Variants in IPCEF1 observed in about 807,000 individuals in gnomAD.
IPCEF1 encodes interaction protein for cytohesin exchange factors 1.
Under a neutral mutation model 50.9 loss-of-function variants are expected in IPCEF1, and 31 were observed. That is an observed-to-expected ratio of 0.61 (90% CI 0.46 to 0.82). IPCEF1 has a LOEUF of 0.82. Among genes scored for constraint, IPCEF1 ranks in the 40% least tolerant of loss-of-function variants. IPCEF1 has a pLI of 0.00. For missense variants in IPCEF1, 458 were observed against 514.0 expected, an observed-to-expected ratio of 0.89 and a Z score of 1.05; for synonymous variants, 181 against 192.0, an observed-to-expected ratio of 0.94 and a Z score of 0.47.
chr6:154,277,307 AGG>A (rs1471700777), intron 2 of IPCEF1, among the ~76,000 whole-genome samples: 1 of 152,236 alleles, frequency 6.6e-6, no homozygotes, highest in African/African-American at 2.4e-5. Flanking sequence ...TTTATTCTTT[AGG>A]AAGAACTGTT....
chr6:154,227,810 C>A (rs189003542), intron 5 of IPCEF1, among the ~76,000 whole-genome samples: 79 of 152,236 alleles, frequency 5.2e-4, no homozygotes, highest in African/African-American at 1.8e-3. Flanking sequence ...ATAAGTGAAA[C>A]AGCTGAGATT....
intron 2 of IPCEF1, among the ~76,000 whole-genome samples, chr6:154,277,196 C>T (rs556618288): frequency 6.6e-6 from 1 of 152,346 alleles, no homozygotes; most frequent in South Asian, 2.1e-4. Context: ...CTGGAAACCA[C>T]ACAGGCACAA....
chr6:154,259,447 GT>G (rs1562569632), intron 3 of IPCEF1, among the ~76,000 whole-genome samples: 1 of 152,138 alleles, frequency 6.6e-6, no homozygotes, highest in African/African-American at 2.4e-5. Context: ...GAGGTCAGGA[GT>G]TCAAGACCAG....
rs1181246833 is a variant in IPCEF1, at chr6:154,193,611, C to G, written c.910+6057G>C. ...AATAACATCAAAAAAGAAAGAAAACCAAGGATTTAATCAACAACAAGAAGT... is the reference window on the plus strand; with the variant it reads ...AATAACATCAAAAAAGAAAGAAAACGAAGGATTTAATCAACAACAAGAAGT... On this transcript the variant is annotated intron_variant, in intron 10 of 11. Transcript: ENST00000367220. 4.6e-5 allele frequency among the ~76,000 whole-genome samples: 7 copies of G among 152,114 alleles called. No homozygotes were observed. The East Asian group carries it at 1.4e-3, about 29-fold the overall frequency.
intron 5 of IPCEF1, among the ~76,000 whole-genome samples, chr6:154,245,830 T>C (rs565515666): frequency 3.9e-5 from 6 of 152,302 alleles, no homozygotes; most frequent in Non-Finnish European, 8.8e-5. Flanking sequence ...TTCAACAACA[T>C]CGTCATTTTC....
rs1776359593 is a variant in IPCEF1 at position 154,193,849 on chromosome 6, A to G, written c.910+5819T>C. Among the ~76,000 whole-genome samples, 9 of 152,204 alleles carry G rather than the reference A, an allele frequency of 5.9e-5. No homozygotes were observed. The South Asian group carries it at 1.9e-3, about 31-fold the overall frequency. ...ACAATACTCCCTATTTTTTTCTTCC[A>G]ATGCTGTTTTCCATACTCTATACAG... On this transcript the variant is annotated intron_variant, in intron 10 of 11. Coordinates refer to ENST00000367220, the MANE Select transcript of IPCEF1 (RefSeq NM_001130700.2).
intron 5 of IPCEF1, among the ~76,000 whole-genome samples, chr6:154,235,401 G>A (rs1050627649): frequency 1.3e-5 from 2 of 151,888 alleles, no homozygotes; most frequent in African/African-American, 2.4e-5. Flanking sequence ...GTGTGGTGGC[G>A]GGTGCCTGTA....
rs958027745 is a variant in IPCEF1 at position 154,154,620 on chromosome 6, C to G, written c.*5208G>C. 2 of 152,210 alleles carry G rather than the reference C, an allele frequency of 1.3e-5. No homozygotes were observed. The highest frequency in any genetic ancestry group is 6.5e-5 in the Admixed American group (1 of 15,290). The allele number at this position is 152,210 out of a possible 1,614,324, so 9.4% of individuals were successfully genotyped here. A position where few individuals can be genotyped will look rare whatever the true frequency, so the allele number is the denominator to read the frequency against. ...TCAAAACGCAGCCATTAAACACTTC[C>G]AGCCACATGTTTATTTCTTTGAGAA... is the stretch of plus-strand genomic sequence containing the variant. On this transcript the variant is annotated 3_prime_UTR_variant, in exon 12 of 12. Coordinates refer to ENST00000367220, the MANE Select transcript of IPCEF1 (RefSeq NM_001130700.2).
intron 1 of IPCEF1, among the ~76,000 whole-genome samples, chr6:154,330,866 C>T (rs1182471048): frequency 2.6e-5 from 4 of 152,140 alleles, no homozygotes. Context: ...AAGGCAAAAC[C>T]TTAACAAAGG....
At chr6:154,170,321 G>T (rs1799772297) in intron 10 of IPCEF1, among the ~76,000 whole-genome samples, 1 of 152,128 alleles carries the variant, frequency 6.6e-6, no homozygotes, top group South Asian at 2.1e-4. Flanking sequence ...GGCATTAGAG[G>T]AACTAGAAAA....
At chr6:154,234,529 C>A (rs936327133) in intron 5 of IPCEF1, among the ~76,000 whole-genome samples, 1 of 152,238 alleles carries the variant, frequency 6.6e-6, no homozygotes, top group Non-Finnish European at 1.5e-5. Context: ...AACAGCCCAA[C>A]TGCTCAGCAC....
intron 5 of IPCEF1, among the ~76,000 whole-genome samples, chr6:154,231,011 A>G (rs1299398951): frequency 1.3e-5 from 2 of 152,200 alleles, no homozygotes; most frequent in African/African-American, 4.8e-5. Flanking sequence ...GAAACTGCAA[A>G]AGTCTCCATT....
At chr6:154,195,883 G>C (rs1003995586) in intron 10 of IPCEF1, among the ~76,000 whole-genome samples, 1 of 149,596 alleles carries the variant, frequency 6.7e-6, no homozygotes, top group Non-Finnish European at 1.5e-5. Context: ...CCTCTGCCTC[G>C]CAGGTTCAAG....
chr6:154,165,699 C>G (rs1799373093), intron 11 of IPCEF1, among the ~76,000 whole-genome samples: 1 of 152,172 alleles, frequency 6.6e-6, no homozygotes, highest in African/African-American at 2.4e-5. Context: ...TAATCTCCTC[C>G]CTGAAAATGA....
At position 154,356,673 on chromosome 6, in the gene IPCEF1, T is replaced by C. The variant is rs1784222467; in HGVS notation, c.-63A>G. The C allele has an allele frequency of 6.6e-6, 1 of 152,198 alleles. No individual in the cohort carries two copies. Among genetic ancestry groups the C allele is most frequent in the Non-Finnish European group, 1.5e-5 (1 of 68,066 alleles). The allele number at this position is 152,198 out of a possible 1,614,324, so 9.4% of individuals were successfully genotyped here. On this transcript the variant is annotated splice_region_variant and 5_prime_UTR_variant, in exon 1 of 12. The change abolishes an upstream ATG in the 5' untranslated region. Transcript: ENST00000367220. The stretch of plus-strand genomic sequence containing the variant: ...CAGCCAAGAAGTGACGTTACTTACA[T>C]GCAATACAAAGAGAGTAAATCCAAG...
intron 3 of IPCEF1, 175 bp from the exon 4 acceptor site, chr6:154,247,663 G>A (rs1483735330): frequency 1.8e-5 from 9 of 511,090 alleles, no homozygotes; most frequent in Admixed American, 9.8e-5. Flanking sequence ...GTGCTAATTA[G>A]AATCAATATA....
At chr6:154,190,801 C>G (rs776026455) in intron 10 of IPCEF1, among the ~76,000 whole-genome samples, 1 of 152,144 alleles carries the variant, frequency 6.6e-6, no homozygotes, top group Non-Finnish European at 1.5e-5. Context: ...TGTGATGCAT[C>G]CATACAATGG....
chr6:154,223,066 C>G (rs1778992403), intron 6 of IPCEF1, 104 bp downstream of exon 6: 1 of 888,500 alleles, frequency 1.1e-6, no homozygotes, highest in Non-Finnish European at 1.8e-6. Context: ...TCAGACATTC[C>G]GATGTTACCT....
At chr6:154,244,013 T>A (rs111696942) in intron 5 of IPCEF1, among the ~76,000 whole-genome samples, 2,358 of 152,324 alleles carry the variant, frequency 0.015, 57 homozygotes, top group African/African-American at 0.052. Flanking sequence ...AGCATTAGGC[T>A]ACTGAGGAAG....
Sources: allele counts gnomAD v4.1 joint callset (sites outside exome capture counted in the v4.1 genomes callset), GRCh38; gene constraint gnomAD v4.1.1; transcripts MANE v1.5; gene names NCBI Gene and HGNC (gene_info 2026-07-23, HGNC 2026-07-21).